Variants in CLASP1 observed in about 807,000 individuals in gnomAD.
CLASP1 encodes CLIP-associating protein 1.
In CLASP1, 38 loss-of-function variants were observed where a neutral mutation model predicts 192.3. The ratio of observed to expected loss-of-function variants is 0.20; its 90% CI spans 0.15 to 0.26. CLASP1 has a LOEUF of 0.26. Ranked by LOEUF, CLASP1 falls within the 10% of genes least tolerant of loss-of-function variation. The probability of loss-of-function intolerance (pLI) is 1.00; values close to 1 mark genes in which losing one functional copy is unlikely to be tolerated. For missense variants in CLASP1, 1,433 were observed against 1,932.5 expected, an observed-to-expected ratio of 0.74 and a Z score of 4.85; for synonymous variants, 691 against 712.8, an observed-to-expected ratio of 0.97 and a Z score of 0.49.
intron 9 of CLASP1, among the ~76,000 whole-genome samples, chr2:121,467,102 G>C (rs2089739619): frequency 1.3e-5 from 2 of 152,174 alleles, no homozygotes; most frequent in South Asian, 4.1e-4. Context: ...TTAGACTGCT[G>C]AGGATAATGG....
chr2:121,626,346 A>C (rs932830666), intron 1 of CLASP1, among the ~76,000 whole-genome samples: 6 of 152,218 alleles, frequency 3.9e-5, no homozygotes, highest in African/African-American at 1.4e-4. Flanking sequence ...TTAATACACC[A>C]ATAGTTTTAA....
At chr2:121,623,197 T>TGAGGA (rs1158360910) in intron 1 of CLASP1, among the ~76,000 whole-genome samples, 6 of 152,222 alleles carry the variant, frequency 3.9e-5, no homozygotes, top group African/African-American at 1.4e-4. Context: ...TTTATCACAC[T>TGAGGA]GAGGAAGTTC....
intron 2 of CLASP1, among the ~76,000 whole-genome samples, chr2:121,554,762 A>G (rs1421795918): frequency 6.6e-6 from 1 of 152,220 alleles, no homozygotes; most frequent in Non-Finnish European, 1.5e-5. Flanking sequence ...TGCAAATGGC[A>G]TGAGGGATCT....
At position 121,588,391 on chromosome 2, in the gene CLASP1, A is replaced by G. The variant is rs116837486; in HGVS notation, c.195+17310T>C. ...ATGGCAACATGCCCATAAAAATACT[A>G]GTATTTTGGTAGAATTACAAAATTT... On this transcript the variant is annotated intron_variant, in intron 2 of 39. Transcript: ENST00000263710. 5.4e-3 allele frequency among the ~76,000 whole-genome samples: 816 copies of G among 152,320 alleles called. 7 individuals carry two copies. The highest frequency in any genetic ancestry group is 0.019 in the African/African-American group (778 of 41,574).
chr2:121,351,138 TACA>T (rs2064308576), intron 37 of CLASP1, among the ~76,000 whole-genome samples: 4 of 152,138 alleles, frequency 2.6e-5, no homozygotes, highest in African/African-American at 9.7e-5. Flanking sequence ...TGCTCCGTGG[TACA>T]GCCAGCGCCA....
chr2:121,399,464 G>A (rs1253734841), intron 28 of CLASP1, among the ~76,000 whole-genome samples: 1 of 152,158 alleles, frequency 6.6e-6, no homozygotes, highest in Non-Finnish European at 1.5e-5. Flanking sequence ...AGTAATGGGT[G>A]TGTATAATCG....
chr2:121,429,021 A>T (rs1029552395), intron 20 of CLASP1, among the ~76,000 whole-genome samples: 2 of 152,156 alleles, frequency 1.3e-5, no homozygotes, highest in Non-Finnish European at 2.9e-5. Flanking sequence ...AGTGTATCAC[A>T]CTACACAATA....
At chr2:121,626,063 G>A (rs1041226483) in intron 1 of CLASP1, among the ~76,000 whole-genome samples, 3 of 150,278 alleles carry the variant, frequency 2.0e-5, no homozygotes, top group East Asian at 2.0e-4. Flanking sequence ...TGGCACCACT[G>A]CATTCCAGCC....
chr2:121,502,693 T>C (rs1317523981), intron 8 of CLASP1, among the ~76,000 whole-genome samples: 1 of 152,202 alleles, frequency 6.6e-6, no homozygotes, highest in Non-Finnish European at 1.5e-5. Flanking sequence ...AGTTGGTGAA[T>C]TGTAGCCTGG....
chr2:121,466,214 C>G (rs138127315), intron 9 of CLASP1, among the ~76,000 whole-genome samples: 1 of 152,092 alleles, frequency 6.6e-6, no homozygotes, highest in Non-Finnish European at 1.5e-5. Context: ...TTTAAAATGG[C>G]TAATTTTATG....
chr2:121,609,526 G>T (rs936367101), intron 1 of CLASP1, among the ~76,000 whole-genome samples: 1 of 151,952 alleles, frequency 6.6e-6, no homozygotes, highest in Non-Finnish European at 1.5e-5. Context: ...TCATGTTTTT[G>T]TGTGTTTTCT....
chr2:121,618,084 C>T (rs2066745183), intron 1 of CLASP1, among the ~76,000 whole-genome samples: 1 of 152,228 alleles, frequency 6.6e-6, no homozygotes, highest in East Asian at 1.9e-4. Flanking sequence ...TCCCTTGTCA[C>T]TGCATGCTGT....
intron 2 of CLASP1, among the ~76,000 whole-genome samples, chr2:121,567,042 A>G (rs2059572076): frequency 6.6e-6 from 1 of 152,210 alleles, no homozygotes; most frequent in Non-Finnish European, 1.5e-5. Flanking sequence ...CCCATTTCAG[A>G]TGCCAGCTCT....
At chr2:121,494,156 T>C (rs2093434548) in intron 8 of CLASP1, among the ~76,000 whole-genome samples, 1 of 152,240 alleles carries the variant, frequency 6.6e-6, no homozygotes, top group South Asian at 2.1e-4. Flanking sequence ...CTGCCATGTT[T>C]ACTGCAGCAC....
intron 7 of CLASP1, chr2:121,505,159 T>C (rs1334543483): frequency 6.6e-6 from 1 of 152,230 alleles, no homozygotes; most frequent in Non-Finnish European, 1.5e-5. Context: ...GTCTGCAAGT[T>C]AGAGCCAAGG....
Position 121,432,073 on chromosome 2 carries a change from C to T in CLASP1, c.1913-1896G>A, listed in dbSNP as rs148014734. ...GTCCCACTAGTCAATGTGTCCATAC[C>T]TACACGACATCACAATACTGTGATT... On this transcript the variant is annotated intron_variant, in intron 19 of 39. Coordinates refer to ENST00000263710, the Ensembl canonical transcript of CLASP1. Among the ~76,000 whole-genome samples, 1,002 of 152,228 alleles carry T rather than the reference C, an allele frequency of 6.6e-3. 15 individuals carry two copies. The highest frequency in any genetic ancestry group is 0.023 in the African/African-American group (959 of 41,534).
chr2:121,570,343 A>C (rs1043936785), intron 2 of CLASP1, among the ~76,000 whole-genome samples: 1 of 152,248 alleles, frequency 6.6e-6, no homozygotes, highest in Non-Finnish European at 1.5e-5. Context: ...CACTAAGTAG[A>C]ACACTGTTTC....
chr2:121,485,117 T>C (rs558933002), intron 8 of CLASP1, among the ~76,000 whole-genome samples: 21 of 152,322 alleles, frequency 1.4e-4, no homozygotes, highest in African/African-American at 4.8e-4. Flanking sequence ...CACTATGCTG[T>C]AGGCCTTTTA....
intron 2 of CLASP1, among the ~76,000 whole-genome samples, chr2:121,538,978 T>G (rs1267745929): frequency 6.6e-6 from 1 of 152,120 alleles, no homozygotes; most frequent in Non-Finnish European, 1.5e-5. Flanking sequence ...AATAAATATC[T>G]GCCCAAAAAG....
Sources: allele counts gnomAD v4.1 joint callset (sites outside exome capture counted in the v4.1 genomes callset), GRCh38; gene constraint gnomAD v4.1.1; transcripts MANE v1.5; gene names NCBI Gene and HGNC (gene_info 2026-07-23, HGNC 2026-07-21).